The following MYOCOS variants were observed in gnomAD, a reference collection of about 807,000 sequenced individuals.
The protein encoded by MYOCOS is myocilin opposite strand protein.
intron 1 of MYOCOS, among the ~76,000 whole-genome samples, chr1:171,605,394 C>CACACACA (rs376886204): frequency 4.7e-5 from 6 of 127,552 alleles, no homozygotes; most frequent in Non-Finnish European, 6.2e-5. Context: ...CACACACACA[C>CACACACA]AAAAAAAAAA....
At chr1:171,607,120 G>T (rs973185430) in intron 1 of MYOCOS, among the ~76,000 whole-genome samples, 10 of 138,374 alleles carry the variant, frequency 7.2e-5, no homozygotes, top group African/African-American at 2.7e-4. Flanking sequence ...AAAAAAGCAA[G>T]CAAAAATCAT....
chr1:171,604,100 T>C (rs1163732892), intron 1 of MYOCOS: 1 of 152,058 alleles, frequency 6.6e-6, no homozygotes, highest in African/African-American at 2.4e-5. Context: ...TAGTTTATTC[T>C]AGTAGGCCCA....
intron 1 of MYOCOS, among the ~76,000 whole-genome samples, chr1:171,608,190 G>T (rs895012520): frequency 6.6e-6 from 1 of 152,276 alleles, no homozygotes. Context: ...AACCATATCA[G>T]TCAGGGCTTA....
At chr1:171,621,478 C>T (rs1444888855), upstream of MYOCOS, among the ~76,000 whole-genome samples, 1 of 150,884 alleles carries the variant, frequency 6.6e-6, no homozygotes, top group East Asian at 2.0e-4. Flanking sequence ...CGGGTTCACG[C>T]CATTCTCCTG....
intron 2 of MYOCOS, among the ~76,000 whole-genome samples, chr1:171,616,291 G>A (rs1652449263): frequency 2.6e-5 from 4 of 151,880 alleles, no homozygotes; most frequent in African/African-American, 2.4e-5. Flanking sequence ...TGTAATCTCA[G>A]CACTTTGGGA....
chr1:171,616,605 T>G (rs1036752382), intron 2 of MYOCOS, among the ~76,000 whole-genome samples: 3 of 152,056 alleles, frequency 2.0e-5, no homozygotes, highest in African/African-American at 7.2e-5. Flanking sequence ...GGAACAGGTT[T>G]GAAGGAGGTG....
At chr1:171,609,688 A>T (rs1452610454) in intron 1 of MYOCOS, among the ~76,000 whole-genome samples, 1 of 152,218 alleles carries the variant, frequency 6.6e-6, no homozygotes, top group Admixed American at 6.5e-5. Flanking sequence ...GTTTGTAGAC[A>T]CAGGGTATAT....
chr1:171,621,589 A>T (rs1652577026), upstream of MYOCOS, among the ~76,000 whole-genome samples: 1 of 151,820 alleles, frequency 6.6e-6, no homozygotes, highest in Non-Finnish European at 1.5e-5. Context: ...GTTAGCCAGG[A>T]TGGTCTCAAT....
At position 171,616,075 on chromosome 1, in the gene MYOCOS, G is replaced by A. The variant is rs892264945; in HGVS notation, c.-44+1070G>A. ...CTACTAAAAATACAAAAATTTGCCA[G>A]GCATGGTGGCACATGCTTGTAATCC... On this transcript the variant is annotated intron_variant, in intron 2 of 3. Coordinates refer to the MYOCOS transcript ENST00000636697. Among the ~76,000 whole-genome samples the A allele has an allele frequency of 4.0e-5, 6 of 151,688 alleles. No individual in the cohort carries two copies. The East Asian group carries it at 1.2e-3, about 30-fold the overall frequency.
At chr1:171,621,064 G>A (rs574161002), upstream of MYOCOS, among the ~76,000 whole-genome samples, 2 of 152,026 alleles carry the variant, frequency 1.3e-5, no homozygotes, top group East Asian at 3.9e-4. Flanking sequence ...CACCGTGCCC[G>A]GCCTACCAAT....
At chr1:171,606,524 C>T (rs1051231928) in intron 1 of MYOCOS, among the ~76,000 whole-genome samples, 3 of 152,186 alleles carry the variant, frequency 2.0e-5, no homozygotes, top group African/African-American at 7.2e-5. Flanking sequence ...ACTTAGAATC[C>T]GATGTTACCC....
At chr1:171,614,161 A>G (rs1652406717) in intron 1 of MYOCOS, among the ~76,000 whole-genome samples, 1 of 152,212 alleles carries the variant, frequency 6.6e-6, no homozygotes, top group South Asian at 2.1e-4. Context: ...TTAATGTTCC[A>G]TTACTGCCAG....
intron 1 of MYOCOS, among the ~76,000 whole-genome samples, chr1:171,608,178 C>T (rs1652285816): frequency 6.6e-6 from 1 of 152,016 alleles, no homozygotes; most frequent in Admixed American, 6.6e-5. Context: ...GGGACACGGC[C>T]AAACCATATC....
chr1:171,609,244 A>T (rs746079089), intron 1 of MYOCOS, among the ~76,000 whole-genome samples: 1 of 152,244 alleles, frequency 6.6e-6, no homozygotes, highest in Non-Finnish European at 1.5e-5. Flanking sequence ...CTGGACAAGC[A>T]TGTACTAAAA....
chr1:171,607,670 A>G (rs760674282), intron 1 of MYOCOS, among the ~76,000 whole-genome samples: 1 of 152,202 alleles, frequency 6.6e-6, no homozygotes, highest in Non-Finnish European at 1.5e-5. Flanking sequence ...CTGCCATTCC[A>G]ATACCTGTAG....
chr1:171,612,267 C>T (rs967307120), intron 1 of MYOCOS, among the ~76,000 whole-genome samples: 16 of 151,538 alleles, frequency 1.1e-4, no homozygotes, highest in East Asian at 4.0e-4. Flanking sequence ...TTAGTAGAGA[C>T]GGGGTTTCAT....
upstream of MYOCOS, among the ~76,000 whole-genome samples, chr1:171,618,236 C>T (rs764822180): frequency 1.6e-4 from 24 of 152,200 alleles, no homozygotes; most frequent in Non-Finnish European, 2.6e-4. Flanking sequence ...GGCACTCAAC[C>T]AACCAAGTTC....
intron 1 of MYOCOS, among the ~76,000 whole-genome samples, chr1:171,603,347 C>T (rs570487285): frequency 1.1e-3 from 160 of 152,286 alleles, no homozygotes; most frequent in Non-Finnish European, 1.9e-3. Context: ...GGCACTTGTG[C>T]TTTAGTCCAC....
upstream of MYOCOS, among the ~76,000 whole-genome samples, chr1:171,619,997 A>C (rs1456371085): frequency 6.7e-6 from 1 of 149,630 alleles, no homozygotes; most frequent in Non-Finnish European, 1.5e-5. Context: ...GGCATTTCTT[A>C]CTCCTCAGCT....
Sources: gnomAD v4.1 joint callset for allele counts (sites outside exome capture counted in the v4.1 genomes callset) on GRCh38, gnomAD v4.1.1 for gene constraint, MANE v1.5 for transcripts, NCBI Gene and HGNC (gene_info 2026-07-23, HGNC 2026-07-21) for gene names.